GABRA1: variants seen among roughly 807,000 people sequenced by gnomAD.
GABRA1 encodes gamma-aminobutyric acid receptor subunit alpha-1.
Under a neutral mutation model 48.9 loss-of-function variants are expected in GABRA1, and 9 were observed. The observed-to-expected ratio is 0.18, with a 90% CI of 0.11 to 0.32. GABRA1 has a LOEUF of 0.32. Ranked by LOEUF, GABRA1 falls within the 10% of genes least tolerant of loss-of-function variation. The probability of loss-of-function intolerance (pLI) is 1.00; values close to 1 mark genes in which losing one functional copy is unlikely to be tolerated. For synonymous variants in GABRA1, 210 were observed against 198.7 expected (o/e 1.06, Z -0.48); for missense variants, 285 against 553.8 (o/e 0.51, Z 4.87).
intron 1 of GABRA1, 36 bp from the exon 2 acceptor site, chr5:161,850,760 C>A (rs1757410682): frequency 1.3e-6 from 2 of 1,533,124 alleles, no homozygotes; most frequent in Non-Finnish European, 1.8e-6. Context: ...ATGTTTCTTG[C>A]TAGAGACATT....
At chr5:161,863,793 C>T (rs532979912) in intron 3 of GABRA1, among the ~76,000 whole-genome samples, 3 of 151,548 alleles carry the variant, frequency 2.0e-5, no homozygotes, top group East Asian at 1.9e-4. Flanking sequence ...TAGTTATATA[C>T]GCCTCAAGCG....
intron 1 of GABRA1, chr5:161,850,544 C>A: frequency 1.7e-6 from 1 of 576,630 alleles, no homozygotes; most frequent in South Asian, 2.3e-5. Flanking sequence ...GCAATACTGT[C>A]ACCTGAAAGC....
chr5:161,898,908 AAT>A lies in GABRA1; in HGVS notation c.*1491_*1492del, dbSNP rs1371303170. On this transcript the variant is annotated 3_prime_UTR_variant, in exon 10 of 10. Coordinates refer to ENST00000393943, the MANE Select transcript of GABRA1 (RefSeq NM_001127644.2). ...TATTACATTTCATTTATACTGTAGC[AAT>A]ATATTTGTAGGTATACTATGTAAGG... is the stretch of plus-strand genomic sequence containing the variant. 4 of 152,562 alleles carry A rather than the reference AAT, an allele frequency of 2.6e-5. No homozygotes were observed. The highest frequency in any genetic ancestry group is 4.8e-5 in the African/African-American group (2 of 41,458). 9.5% of individuals were successfully genotyped at this position (152,562 alleles called of 1,614,324 possible).
At chr5:161,884,179 C>T (rs1761106610) in intron 7 of GABRA1, among the ~76,000 whole-genome samples, 1 of 152,024 alleles carries the variant, frequency 6.6e-6, no homozygotes, top group South Asian at 2.1e-4. Flanking sequence ...CTGAAATACC[C>T]CAGAACATGA....
intron 3 of GABRA1, among the ~76,000 whole-genome samples, chr5:161,855,833 A>T (rs72817495): frequency 0.13 from 18,981 of 151,334 alleles, 1,613 homozygotes; most frequent in East Asian, 0.28. Context: ...TTCCCTAAAA[A>T]GTCAGCAGAA....
intron 4 of GABRA1, among the ~76,000 whole-genome samples, chr5:161,870,281 G>T (rs969375068): frequency 9.9e-5 from 15 of 152,102 alleles, no homozygotes; most frequent in African/African-American, 3.4e-4. Context: ...AGGGGCTTTG[G>T]CCAGGCACAG....
intron 4 of GABRA1, among the ~76,000 whole-genome samples, chr5:161,866,758 G>T (rs1165767825): frequency 6.6e-6 from 1 of 152,024 alleles, no homozygotes; most frequent in African/African-American, 2.4e-5. Context: ...ATATTCTGTA[G>T]AACTAATATT....
At chr5:161,855,043 T>C (rs543134321) in intron 3 of GABRA1, among the ~76,000 whole-genome samples, 1 of 151,594 alleles carries the variant, frequency 6.6e-6, no homozygotes, top group South Asian at 2.1e-4. Flanking sequence ...AGCAAGGAAA[T>C]AAATTTTCTT....
At chr5:161,874,451 C>CA (rs1754259469) in intron 5 of GABRA1, among the ~76,000 whole-genome samples, 1 of 151,988 alleles carries the variant, frequency 6.6e-6, no homozygotes, top group East Asian at 1.9e-4. Flanking sequence ...ATATTCCCCC[C>CA]TGATGAAACA....
At chr5:161,863,663 G>C (rs747548240) in intron 3 of GABRA1, among the ~76,000 whole-genome samples, 41 of 151,960 alleles carry the variant, frequency 2.7e-4, no homozygotes, top group Non-Finnish European at 3.2e-4. Context: ...AACCATATGA[G>C]TGGATTTATG....
At chr5:161,895,279 A>G (rs548984235) in intron 8 of GABRA1, among the ~76,000 whole-genome samples, 21 of 152,300 alleles carry the variant, frequency 1.4e-4, no homozygotes, top group Non-Finnish European at 2.5e-4. Flanking sequence ...CTGAGTATCC[A>G]GAAGTTACCT....
intron 2 of GABRA1, 148 bp from the exon 3 acceptor site, chr5:161,854,010 A>G (rs1757548766): frequency 5.8e-6 from 3 of 517,940 alleles, no homozygotes; most frequent in Non-Finnish European, 1.0e-5. Context: ...TTTAAAAATA[A>G]CATTCCTTTT....
chr5:161,855,912 T>G (rs1158106588), intron 3 of GABRA1, among the ~76,000 whole-genome samples: 1 of 151,410 alleles, frequency 6.6e-6, no homozygotes, highest in Non-Finnish European at 1.5e-5. Context: ...TTTTGGCATG[T>G]AAATATGAGT....
chr5:161,890,986 A>G lies in GABRA1; in HGVS notation c.792A>G (p.Thr264=). Residue 264 remains threonine (T), a synonymous_variant, in exon 8 of 10, where the codon ACA becomes ACG. Coordinates refer to ENST00000393943, the MANE Select transcript of GABRA1 (RefSeq NM_001127644.2). ...VIQTYLPCIM[T]VILSQVSFWL... Reference sequence around the variant, plus strand: ...AAACATACCTGCCATGCATAATGACAGTGATTCTCTCACAAGTCTCCTTCT... The same window carrying G: ...AAACATACCTGCCATGCATAATGACGGTGATTCTCTCACAAGTCTCCTTCT... 4 of 1,613,784 alleles carry G rather than the reference A, an allele frequency of 2.5e-6. No individual in the cohort carries two copies. The highest frequency in any genetic ancestry group is 3.4e-6 in the Non-Finnish European group (4 of 1,179,684).
At chr5:161,888,492 C>A (rs771235418) in intron 7 of GABRA1, among the ~76,000 whole-genome samples, 1 of 152,000 alleles carries the variant, frequency 6.6e-6, no homozygotes, top group Non-Finnish European at 1.5e-5. Context: ...AAATTATATT[C>A]TTTTCAGGAT....
intron 2 of GABRA1, 84 bp downstream of exon 2, chr5:161,850,968 T>A: frequency 8.8e-7 from 1 of 1,140,188 alleles, no homozygotes; most frequent in Non-Finnish European, 1.3e-6. Flanking sequence ...TGTCCTCAAA[T>A]GAATTTATGA....
At position 161,870,180 on chromosome 5, in the gene GABRA1, G is replaced by T. The variant is rs139947470; in HGVS notation, c.256-2937G>T. On this transcript the variant is annotated intron_variant, in intron 4 of 9. Transcript: ENST00000393943. ...AGCAAGCGTAAAATAATTACCTAAG[G>T]CCACTCAGCAGGTAGGTTCAGAACT... Among the ~76,000 whole-genome samples the T allele has an allele frequency of 2.4e-3, 368 of 152,120 alleles. 3 individuals carry two copies. The highest frequency in any genetic ancestry group is 8.3e-3 in the African/African-American group (343 of 41,504).
chr5:161,868,879 T>G (rs539210038), intron 4 of GABRA1, among the ~76,000 whole-genome samples: 1 of 152,314 alleles, frequency 6.6e-6, no homozygotes, highest in East Asian at 1.9e-4. Flanking sequence ...AATCTACATT[T>G]TATATTTTAC....
At chr5:161,877,973 A>G (rs186165270) in intron 6 of GABRA1, among the ~76,000 whole-genome samples, 1 of 152,266 alleles carries the variant, frequency 6.6e-6, no homozygotes, top group East Asian at 1.9e-4. Context: ...TGTTGATCAC[A>G]ATGCACATTT....
Sources: gnomAD v4.1 joint callset for allele counts (sites outside exome capture counted in the v4.1 genomes callset) on GRCh38, gnomAD v4.1.1 for gene constraint, MANE v1.5 for transcripts, NCBI Gene and HGNC (gene_info 2026-07-23, HGNC 2026-07-21) for gene names.